GALNT10: variants seen among roughly 807,000 people sequenced by gnomAD.
GALNT10 encodes the protein polypeptide N-acetylgalactosaminyltransferase 10, also known as GalNAc transferase 10.
Under a neutral mutation model 75.0 loss-of-function variants are expected in GALNT10, and 41 were observed. The ratio of observed to expected loss-of-function variants is 0.55; its 90% CI spans 0.43 to 0.71. The LOEUF (loss-of-function observed/expected upper bound fraction) is 0.71. Among genes scored for constraint, GALNT10 ranks in the 30% least tolerant of loss-of-function variants. The pLI is 0.00. For synonymous variants in GALNT10, 302 were observed against 313.0 expected (o/e 0.96, Z 0.37); for missense variants, 727 against 818.5 (o/e 0.89, Z 1.36).
At chr5:154,329,202 T>C (rs1209585934) in intron 3 of GALNT10, among the ~76,000 whole-genome samples, 2 of 152,164 alleles carry the variant, frequency 1.3e-5, no homozygotes, top group Non-Finnish European at 2.9e-5. Context: ...TGACAAGTTT[T>C]AGAAGCTCTG....
intron 3 of GALNT10, among the ~76,000 whole-genome samples, chr5:154,328,079 A>AG (rs749636148): frequency 5.3e-3 from 462 of 87,190 alleles, no homozygotes; most frequent in Admixed American, 0.011. Flanking sequence ...AACAAATCGA[A>AG]GGGGAAAAAA....
intron 4 of GALNT10, among the ~76,000 whole-genome samples, chr5:154,362,377 G>A (rs576763380): frequency 3.9e-4 from 59 of 152,264 alleles, no homozygotes; most frequent in African/African-American, 1.2e-3. Context: ...GAGTTCTCTC[G>A]GAGGCAGCAT....
At chr5:154,293,613 A>AT (rs1201863629) in intron 1 of GALNT10, among the ~76,000 whole-genome samples, 13 of 109,412 alleles carry the variant, frequency 1.2e-4, no homozygotes, top group East Asian at 4.0e-4. Context: ...ATATATATAT[A>AT]TTTTTTTTTT....
chr5:154,405,347 G>C (rs1274275305), intron 8 of GALNT10, among the ~76,000 whole-genome samples: 1 of 152,210 alleles, frequency 6.6e-6, no homozygotes, highest in Non-Finnish European at 1.5e-5. Context: ...GGAAGTGTCA[G>C]GGGCCGCGTG....
At position 154,289,653 on chromosome 5, in the gene GALNT10, C is replaced by T. The variant is rs180687306; in HGVS notation, c.160-5163C>T. 1.7e-3 allele frequency among the ~76,000 whole-genome samples: 263 copies of T among 152,330 alleles called. 1 individual carries two copies. The highest frequency in any genetic ancestry group is 6.0e-3 in the African/African-American group (250 of 41,576). On this transcript the variant is annotated intron_variant, in intron 1 of 11. Transcript: ENST00000297107. ...CAGCTAGATTTAGACCAAAGGTCTT[C>T]CAACTTTATTGTGAATTAGAATCAC... is the stretch of plus-strand genomic sequence containing the variant.
intron 4 of GALNT10, among the ~76,000 whole-genome samples, chr5:154,359,023 G>A (rs200602001): frequency 6.6e-6 from 1 of 152,096 alleles, no homozygotes; most frequent in East Asian, 1.9e-4. Flanking sequence ...TTAATCATTC[G>A]GTGTTGAAGG....
At chr5:154,345,174 T>C (rs1446161572) in intron 4 of GALNT10, among the ~76,000 whole-genome samples, 1 of 152,010 alleles carries the variant, frequency 6.6e-6, no homozygotes, top group East Asian at 1.9e-4. Context: ...TGAGGGATAA[T>C]TGACAAGTAA....
At chr5:154,362,974 C>T (rs1755415756) in intron 4 of GALNT10, among the ~76,000 whole-genome samples, 2 of 152,182 alleles carry the variant, frequency 1.3e-5, no homozygotes, top group Non-Finnish European at 2.9e-5. Flanking sequence ...ACCAACCGTC[C>T]ACTTGGGCAG....
At position 154,376,390 on chromosome 5, in the gene GALNT10, G is replaced by T. The variant is rs775888631; in HGVS notation, c.682G>T (p.Ala228Ser). Reference protein sequence around the residue: ...IRTRMLGASVATGDVITFLDS... With the variant: ...IRTRMLGASVSTGDVITFLDS... ...GACCCGAATGCTGGGGGCCTCAGTG[G>T]CAACTGGGGATGTCATCACATTCTT... Residue 228 changes from alanine to serine, a missense_variant, in exon 5 of 12, where the codon GCA (alanine) becomes TCA (serine). Coordinates refer to ENST00000297107, the MANE Select transcript of GALNT10 (RefSeq NM_198321.4). This position sits in a 1 kb window ranked among gnomAD's most constrained non-coding sequence, Gnocchi z 4.1. 12 of 1,607,678 alleles carry T rather than the reference G, an allele frequency of 7.5e-6. No homozygotes were observed. In the Middle Eastern group the frequency reaches 5.0e-4, roughly 66 times the overall value.
At chr5:154,287,270 C>T (rs1336090122) in intron 1 of GALNT10, among the ~76,000 whole-genome samples, 1 of 152,190 alleles carries the variant, frequency 6.6e-6, no homozygotes, top group Non-Finnish European at 1.5e-5. Context: ...TCCAGACTTC[C>T]TTCCTGGTCT....
Position 154,284,945 on chromosome 5 carries a change from A to G in GALNT10, c.160-9871A>G, listed in dbSNP as rs534196507. 3.9e-5 allele frequency among the ~76,000 whole-genome samples: 6 copies of G among 152,342 alleles called. No individual in the cohort carries two copies. In the South Asian group the frequency reaches 6.2e-4, roughly 16 times the overall value. On this transcript the variant is annotated intron_variant, in intron 1 of 11. Transcript: ENST00000297107. ...TAATAATATAGTCAAGTCTAATCTCATGAAAGAGTTAGGCTATAATAAACC... is the reference window on the plus strand; with the variant it reads ...TAATAATATAGTCAAGTCTAATCTCGTGAAAGAGTTAGGCTATAATAAACC...
At position 154,376,533 on chromosome 5, in the gene GALNT10, C is replaced by A; in HGVS notation, c.754+71C>A. 2 of 1,125,346 alleles carry A rather than the reference C, an allele frequency of 1.8e-6. No homozygotes were observed. The highest frequency in any genetic ancestry group is 2.5e-6 in the Non-Finnish European group (2 of 788,756). The allele number at this position is 1,125,346 out of a possible 1,614,324, so 69.7% of individuals were successfully genotyped here. On this transcript the variant is annotated intron_variant, in intron 5 of 11. Coordinates refer to ENST00000297107, the MANE Select transcript of GALNT10 (RefSeq NM_198321.4). The surrounding 1 kb of genome is among the most constrained non-coding windows in gnomAD (Gnocchi z 4.1). ...CAGTGCCAGTGGCCCCCTCCTGCTG[C>A]AGGGAGCCATCCATAAGCCTTCCCT...
At chr5:154,383,364 A>G (rs954626116) in intron 6 of GALNT10, among the ~76,000 whole-genome samples, 2 of 152,110 alleles carry the variant, frequency 1.3e-5, no homozygotes, top group African/African-American at 4.8e-5. Context: ...TAGCTTATCC[A>G]CTCACTATGA....
intron 1 of GALNT10, among the ~76,000 whole-genome samples, chr5:154,257,664 T>C (rs1273283333): frequency 2.5e-5 from 1 of 39,324 alleles, no homozygotes; most frequent in Non-Finnish European, 4.8e-5. Context: ...AGAGTGAGAC[T>C]CCGTTTTAAA....
intron 1 of GALNT10, among the ~76,000 whole-genome samples, chr5:154,225,116 A>G (rs1753041547): frequency 6.8e-6 from 1 of 147,976 alleles, no homozygotes; most frequent in African/African-American, 2.5e-5. Context: ...TTTTTTAGAC[A>G]GAGTCTTGCT....
intron 4 of GALNT10, among the ~76,000 whole-genome samples, chr5:154,362,662 G>T (rs1755411608): frequency 6.6e-6 from 1 of 152,114 alleles, no homozygotes; most frequent in Non-Finnish European, 1.5e-5. Flanking sequence ...TGCTGGAGGG[G>T]GGTCTTCGAG....
At chr5:154,247,509 C>T (rs1753447518) in intron 1 of GALNT10, among the ~76,000 whole-genome samples, 1 of 152,142 alleles carries the variant, frequency 6.6e-6, no homozygotes, top group African/African-American at 2.4e-5. Context: ...TGTAGTTGTC[C>T]TTGAAGAGGT....
At position 154,329,681 on chromosome 5, in the gene GALNT10, C is replaced by T. The variant is rs1754813313; in HGVS notation, c.511C>T (p.Arg171Cys). ...LLRTVHSVLN[R>C]SPPELVAEIV... The stretch of plus-strand genomic sequence containing the variant: ...CCGCACCGTCCACAGTGTGCTCAAT[C>T]GCTCGCCTCCAGAGCTGGTCGCCGA... Residue 171 changes from arginine (R) to cysteine (C), a missense_variant, in exon 4 of 12, where the codon CGC becomes TGC. Coordinates refer to ENST00000297107, the MANE Select transcript of GALNT10 (RefSeq NM_198321.4). 1 of 1,613,432 alleles carries T rather than the reference C, an allele frequency of 6.2e-7. No homozygotes were observed. The highest frequency in any genetic ancestry group is 8.5e-7 in the Non-Finnish European group (1 of 1,179,374).
chr5:154,279,010 T>C (rs1561648427), intron 1 of GALNT10, among the ~76,000 whole-genome samples: 1 of 152,224 alleles, frequency 6.6e-6, no homozygotes, highest in Non-Finnish European at 1.5e-5. Flanking sequence ...TTATGAACAT[T>C]GGCCTAGGAA....
Sources: allele counts gnomAD v4.1 joint callset (sites outside exome capture counted in the v4.1 genomes callset), GRCh38; gene constraint gnomAD v4.1.1; non-coding constraint Gnocchi (gnomAD v3.1); transcripts MANE v1.5; gene names NCBI Gene and HGNC (gene_info 2026-07-23, HGNC 2026-07-21).